MSRA: variants seen among roughly 807,000 people sequenced by gnomAD.
MSRA encodes methionine sulfoxide reductase A, also known as mitochondrial peptide methionine sulfoxide reductase.
MSRA carries 54 observed loss-of-function variants against 31.3 expected under a neutral mutation model. The ratio of observed to expected loss-of-function variants is 1.73; its 90% confidence interval spans 1.39 to 2.17. MSRA has a LOEUF of 2.17. MSRA is among the 30% of genes most tolerant of loss of function. The pLI is 0.00. For synonymous variants in MSRA, 169 were observed against 116.5 expected, an observed-to-expected ratio of 1.45 and a Z score of -2.90; for missense variants, 507 against 300.9, an observed-to-expected ratio of 1.69 and a Z score of -5.07.
intron 2 of MSRA, among the ~76,000 whole-genome samples, chr8:10,217,596 C>T (rs76871994): frequency 6.6e-6 from 1 of 152,176 alleles, no homozygotes; most frequent in African/African-American, 2.4e-5. Context: ...GCTCGCTCAG[C>T]TTCCACAGGT....
At chr8:10,061,498 T>A (rs942961813) in intron 1 of MSRA, among the ~76,000 whole-genome samples, 4 of 152,150 alleles carry the variant, frequency 2.6e-5, no homozygotes, top group Admixed American at 2.0e-4. Context: ...CATCTTGCGT[T>A]GCTAATTAGA....
intron 5 of MSRA, among the ~76,000 whole-genome samples, chr8:10,418,415 T>A (rs1176740543): frequency 6.6e-6 from 1 of 152,180 alleles, no homozygotes; most frequent in Non-Finnish European, 1.5e-5. Context: ...CCTGCCCATT[T>A]CCGGAGCCCT....
At chr8:10,130,850 G>C (rs954052746) in intron 1 of MSRA, among the ~76,000 whole-genome samples, 1 of 152,160 alleles carries the variant, frequency 6.6e-6, no homozygotes, top group Non-Finnish European at 1.5e-5. Flanking sequence ...AGGGCACACA[G>C]AAAGCTAATG....
At chr8:10,417,134 C>A (rs1352746263) in intron 5 of MSRA, among the ~76,000 whole-genome samples, 1 of 152,148 alleles carries the variant, frequency 6.6e-6, no homozygotes, top group Admixed American at 6.5e-5. Context: ...TCTTAATGGA[C>A]CAAGTTAGAT....
chr8:10,413,393 C>T (rs988363387), intron 5 of MSRA, among the ~76,000 whole-genome samples: 3 of 152,142 alleles, frequency 2.0e-5, no homozygotes, highest in African/African-American at 7.2e-5. Context: ...AAGAAAGTCA[C>T]TGAACAAAGG....
intron 5 of MSRA, among the ~76,000 whole-genome samples, chr8:10,403,661 A>T (rs551619347): frequency 6.6e-6 from 1 of 152,234 alleles, no homozygotes; most frequent in African/African-American, 2.4e-5. Flanking sequence ...GGCCTGGCTC[A>T]TGGGTGCTTT....
chr8:10,154,850 A>T (rs1460451878), intron 1 of MSRA, among the ~76,000 whole-genome samples: 2 of 151,918 alleles, frequency 1.3e-5, no homozygotes, highest in South Asian at 2.1e-4. Context: ...GGAAATAGTG[A>T]TCTATTGTTT....
intron 5 of MSRA, among the ~76,000 whole-genome samples, chr8:10,383,820 G>C (rs1405608331): frequency 6.6e-6 from 1 of 152,088 alleles, no homozygotes; most frequent in African/African-American, 2.4e-5. Flanking sequence ...CCTTCATTTT[G>C]GGGACTTCTG....
chr8:10,286,250 C>A (rs934367047), intron 3 of MSRA, among the ~76,000 whole-genome samples: 1 of 152,144 alleles, frequency 6.6e-6, no homozygotes, highest in African/African-American at 2.4e-5. Context: ...GACTGTATCC[C>A]CACCCAGATC....
chr8:10,102,404 T>C (rs1799589863), intron 1 of MSRA, among the ~76,000 whole-genome samples: 1 of 152,246 alleles, frequency 6.6e-6, no homozygotes, highest in South Asian at 2.1e-4. Flanking sequence ...TTCTCTGTCA[T>C]CTTCATTCTG....
At chr8:10,357,987 A>C (rs1480179922) in intron 5 of MSRA, among the ~76,000 whole-genome samples, 1 of 152,170 alleles carries the variant, frequency 6.6e-6, no homozygotes, top group East Asian at 1.9e-4. Context: ...CAGTGGTGCT[A>C]TCTTGGCTCA....
At chr8:10,417,412 G>A (rs902892904) in intron 5 of MSRA, among the ~76,000 whole-genome samples, 13 of 44,208 alleles carry the variant, frequency 2.9e-4, no homozygotes, top group East Asian at 7.8e-4. Flanking sequence ...TCATCCCTTC[G>A]TCAGAAGACA....
chr8:10,386,154 A>C (rs1446885433), intron 5 of MSRA, among the ~76,000 whole-genome samples: 3 of 152,186 alleles, frequency 2.0e-5, no homozygotes, highest in African/African-American at 7.2e-5. Context: ...TATTTCTTTT[A>C]ATTCTTATGC....
At chr8:10,358,536 T>A (rs937589772) in intron 5 of MSRA, among the ~76,000 whole-genome samples, 1 of 137,476 alleles carries the variant, frequency 7.3e-6, no homozygotes, top group Admixed American at 7.8e-5. Context: ...CAGCTCCGCC[T>A]CCTGTCAGAT....
At chr8:10,421,685 CT>C (rs1313563051) in intron 5 of MSRA, among the ~76,000 whole-genome samples, 1 of 152,200 alleles carries the variant, frequency 6.6e-6, no homozygotes, top group Non-Finnish European at 1.5e-5. Flanking sequence ...CTGTGCCCGG[CT>C]GGCACGCCTT....
intron 1 of MSRA, among the ~76,000 whole-genome samples, chr8:10,170,956 G>A (rs943689191): frequency 1.3e-5 from 2 of 152,214 alleles, no homozygotes; most frequent in African/African-American, 4.8e-5. Context: ...TCTCCAGCAT[G>A]ATGTTGCATA....
chr8:10,138,802 A>C (rs1476496052), intron 1 of MSRA, among the ~76,000 whole-genome samples: 1 of 152,214 alleles, frequency 6.6e-6, no homozygotes, highest in Non-Finnish European at 1.5e-5. Context: ...CTAGTGCAGA[A>C]CTAAGGCCAA....
At chr8:10,153,796 C>G (rs1008290606) in intron 1 of MSRA, among the ~76,000 whole-genome samples, 1 of 152,210 alleles carries the variant, frequency 6.6e-6, no homozygotes, top group African/African-American at 2.4e-5. Flanking sequence ...GAAAAAAATT[C>G]TAGAGCTAGA....
intron 1 of MSRA, among the ~76,000 whole-genome samples, chr8:10,078,584 C>T (rs814415): frequency 0.21 from 31,538 of 152,226 alleles, 3,450 homozygotes; most frequent in Admixed American, 0.26. Context: ...GAGCTGTAAA[C>T]TGTGAAAGTG....
Sources: allele counts gnomAD v4.1 joint callset (sites outside exome capture counted in the v4.1 genomes callset), GRCh38; gene constraint gnomAD v4.1.1; transcripts MANE v1.5; gene names NCBI Gene and HGNC (gene_info 2026-07-23, HGNC 2026-07-21).